Variants in C13orf42 observed in about 807,000 individuals in gnomAD.
C13orf42 encodes uncharacterized protein C13orf42.
At chr13:51,144,785 G>A (rs1953722577) in intron 1 of C13orf42, among the ~76,000 whole-genome samples, 1 of 152,194 alleles carries the variant, frequency 6.6e-6, no homozygotes, top group Non-Finnish European at 1.5e-5. Flanking sequence ...GGTATTTGAT[G>A]GCACAACCCA....
chr13:51,127,944 G>C (rs538342684), intron 1 of C13orf42, among the ~76,000 whole-genome samples: 1 of 152,268 alleles, frequency 6.6e-6, no homozygotes, highest in Non-Finnish European at 1.5e-5. Context: ...GTCGGCACAA[G>C]ATACAGGTCA....
Position 51,099,705 on chromosome 13 carries a change from G to A in C13orf42, c.414+11091C>T, listed in dbSNP as rs78694512. Reference sequence around the variant, plus strand: ...GCTGGAGTGCAGTGCCGTGACCATCGTTCACAGTGGCCTCGAACTCCTGGC... The same window carrying A: ...GCTGGAGTGCAGTGCCGTGACCATCATTCACAGTGGCCTCGAACTCCTGGC... On this transcript the variant is annotated intron_variant, in intron 1 of 3. Transcript: ENST00000563710. 2.6e-5 allele frequency among the ~76,000 whole-genome samples: 4 copies of A among 152,220 alleles called. No homozygotes were observed. The East Asian group carries it at 7.7e-4, about 29-fold the overall frequency.
chr13:51,122,016 T>C (rs1953539734), intron 1 of C13orf42, among the ~76,000 whole-genome samples: 1 of 152,220 alleles, frequency 6.6e-6, no homozygotes, highest in Non-Finnish European at 1.5e-5. Context: ...TTTACGTGTC[T>C]GTATAATAAA....
Position 51,123,465 on chromosome 13 carries a change from G to A in C13orf42, n.137-10243C>T, listed in dbSNP as rs574130420. The stretch of plus-strand genomic sequence containing the variant: ...GCTCACACTTTGTGGACCAAAGCAA[G>A]TCATATGGTCTCTTCAAATTTCAAA... On this transcript the variant is annotated intron_variant and non_coding_transcript_variant, in intron 1 of 4. Transcript: ENST00000433280. Among the ~76,000 whole-genome samples the A allele has an allele frequency of 3.3e-5, 5 of 152,274 alleles. No homozygotes were observed. In the East Asian group the frequency reaches 9.7e-4, roughly 29 times the overall value.
rs1953213105 is a variant in C13orf42 at position 51,094,467 on chromosome 13, AAC to A, written c.415-6394_415-6393del. The stretch of plus-strand genomic sequence containing the variant: ...ACATTTCACTTTTAATTATGTTGTA[AAC>A]ACACAATATATTGCTACCCTCTTTG... On this transcript the variant is annotated intron_variant, in intron 1 of 3. Transcript: ENST00000563710. Among the ~76,000 whole-genome samples, 4 of 152,194 alleles carry A rather than the reference AAC, an allele frequency of 2.6e-5. No individual in the cohort carries two copies. The South Asian group carries it at 8.3e-4, about 31-fold the overall frequency.
At chr13:51,093,103 C>T (rs1953198050) in intron 1 of C13orf42, among the ~76,000 whole-genome samples, 1 of 152,144 alleles carries the variant, frequency 6.6e-6, no homozygotes, top group African/African-American at 2.4e-5. Context: ...TCTTGACTGA[C>T]TCAAAAATGT....
intron 1 of C13orf42, among the ~76,000 whole-genome samples, chr13:51,164,090 T>A (rs546906936): frequency 3.3e-5 from 5 of 152,320 alleles, no homozygotes; most frequent in Admixed American, 1.3e-4. Flanking sequence ...TGTAATATAC[T>A]TATCCACCAA....
At chr13:51,097,622 C>T (rs1834933549) in intron 1 of C13orf42, among the ~76,000 whole-genome samples, 1 of 152,120 alleles carries the variant, frequency 6.6e-6, no homozygotes, top group African/African-American at 2.4e-5. Context: ...GGAAAATCTA[C>T]TTTACAAAGA....
intron 3 of C13orf42, 113 bp downstream of exon 3, chr13:51,085,205 AT>A: frequency 4.5e-6 from 1 of 223,898 alleles, no homozygotes; most frequent in Non-Finnish European, 8.1e-6. Context: ...ATATATATAT[AT>A]ATATGAATAA....
At chr13:51,100,143 G>A (rs1159723466) in intron 1 of C13orf42, among the ~76,000 whole-genome samples, 3 of 151,666 alleles carry the variant, frequency 2.0e-5, no homozygotes. Context: ...CAAATAAATT[G>A]CTGATAGACA....
At chr13:51,150,384 A>G (rs1279550124) in intron 1 of C13orf42, among the ~76,000 whole-genome samples, 1 of 152,222 alleles carries the variant, frequency 6.6e-6, no homozygotes, top group African/African-American at 2.4e-5. Context: ...TTCTTATTAT[A>G]TACTTGGAAC....
At chr13:51,168,969 G>A (rs1953923782) in intron 1 of C13orf42, among the ~76,000 whole-genome samples, 2 of 152,120 alleles carry the variant, frequency 1.3e-5, no homozygotes, top group South Asian at 4.1e-4. Flanking sequence ...CATGTTTCCT[G>A]TACAGCCTGT....
intron 1 of C13orf42, among the ~76,000 whole-genome samples, chr13:51,146,579 T>C (rs768544253): frequency 1.3e-5 from 2 of 152,176 alleles, no homozygotes; most frequent in Admixed American, 6.5e-5. Flanking sequence ...TCAATCAATA[T>C]ATGTAAGATG....
intron 1 of C13orf42, among the ~76,000 whole-genome samples, chr13:51,107,115 A>G (rs1953366160): frequency 6.6e-6 from 1 of 152,196 alleles, no homozygotes; most frequent in Non-Finnish European, 1.5e-5. Context: ...TCCTCCTCCC[A>G]TCGACCCACA....
At chr13:51,084,582 T>C (rs1384312785) in intron 3 of C13orf42, among the ~76,000 whole-genome samples, 1 of 152,176 alleles carries the variant, frequency 6.6e-6, no homozygotes, top group African/African-American at 2.4e-5. Context: ...GGTCTGTTAC[T>C]GTGGAAGGGA....
chr13:51,169,618 G>A (rs9526724), intron 1 of C13orf42, among the ~76,000 whole-genome samples: 31,317 of 151,782 alleles, frequency 0.21, 3,427 homozygotes, highest in East Asian at 0.26. Context: ...ACCAAGGTCC[G>A]GCCACTCTGT....
chr13:51,135,248 G>A (rs1349427598), intron 1 of C13orf42, among the ~76,000 whole-genome samples: 1 of 152,202 alleles, frequency 6.6e-6, no homozygotes, highest in Non-Finnish European at 1.5e-5. Flanking sequence ...AGAGCAGCCA[G>A]GAGCCTGGAG....
chr13:51,154,360 C>A (rs757674295), intron 1 of C13orf42, among the ~76,000 whole-genome samples: 23 of 152,316 alleles, frequency 1.5e-4, no homozygotes, highest in Non-Finnish European at 3.2e-4. Flanking sequence ...AGTGGAATTG[C>A]TGAGTCATAG....
Position 51,110,991 on chromosome 13 carries a change from C to G in C13orf42, c.219G>C (p.Glu73Asp), listed in dbSNP as rs1310393312. 1 of 398,670 alleles carries G rather than the reference C, an allele frequency of 2.5e-6. No homozygotes were observed. The highest frequency in any genetic ancestry group is 4.4e-6 in the Non-Finnish European group (1 of 226,100). 24.7% of individuals were successfully genotyped at this position (398,670 alleles called of 1,614,324 possible). ...DTSLYYLRQEEDRAWMYSRTQ... is the reference protein window; with the variant it reads ...DTSLYYLRQEDDRAWMYSRTQ... Reference sequence around the variant, plus strand: ...TGCGCGAATACATCCACGCCCGGTCCTCCTCCTGCCGCAGGTAGTACAGGC... The same window carrying G: ...TGCGCGAATACATCCACGCCCGGTCGTCCTCCTGCCGCAGGTAGTACAGGC... Residue 73 changes from glutamate (E) to aspartate (D), a missense_variant, in exon 1 of 4, where the codon GAG becomes GAC. Glu to Asp is a conservative substitution (Grantham distance 45). Transcript: ENST00000563710.
Sources: allele counts gnomAD v4.1 joint callset (sites outside exome capture counted in the v4.1 genomes callset), GRCh38; gene constraint gnomAD v4.1.1; transcripts MANE v1.5; gene names NCBI Gene and HGNC (gene_info 2026-07-23, HGNC 2026-07-21).